FBXL13: variants seen among roughly 807,000 people sequenced by gnomAD.
FBXL13 encodes F-box and leucine-rich repeat protein 13.
In FBXL13, 67 loss-of-function variants were observed where a neutral mutation model predicts 83.6. That is an observed-to-expected ratio of 0.80 (90% CI 0.66 to 0.98). The LOEUF (loss-of-function observed/expected upper bound fraction) is 0.98. Among genes scored for constraint, FBXL13 ranks in the 50% least tolerant of loss-of-function variants. The pLI is 0.00. For synonymous variants in FBXL13, 272 were observed against 299.5 expected, an observed-to-expected ratio of 0.91 and a Z score of 0.95; for missense variants, 822 against 866.5, an observed-to-expected ratio of 0.95 and a Z score of 0.64.
intron 18 of FBXL13, among the ~76,000 whole-genome samples, chr7:102,825,045 A>G (rs1311062055): frequency 1.3e-5 from 2 of 152,182 alleles, no homozygotes; most frequent in Non-Finnish European, 2.9e-5. Flanking sequence ...TATCATTTAC[A>G]TATTTCTGGT....
intron 14 of FBXL13, among the ~76,000 whole-genome samples, 156 bp downstream of exon 15, chr7:102,883,149 T>C (rs990602782): frequency 2.0e-5 from 3 of 151,550 alleles, no homozygotes; most frequent in Non-Finnish European, 4.4e-5. Context: ...GGAGCCCCTC[T>C]TTCTTATAAC....
intron 10 of FBXL13, among the ~76,000 whole-genome samples, chr7:102,922,222 T>C (rs1342248784): frequency 2.7e-5 from 4 of 150,906 alleles, no homozygotes; most frequent in Non-Finnish European, 5.9e-5. Flanking sequence ...AATAAATAAA[T>C]AAACATTACT....
chr7:102,937,827 T>C (rs1045939829), intron 8 of FBXL13, among the ~76,000 whole-genome samples: 1 of 152,178 alleles, frequency 6.6e-6, no homozygotes, highest in African/African-American at 2.4e-5. Flanking sequence ...AATTGAAGTG[T>C]GACAACCTGA....
chr7:103,056,642 G>A (rs536613713), intron 1 of FBXL13, among the ~76,000 whole-genome samples: 1 of 152,064 alleles, frequency 6.6e-6, no homozygotes, highest in Non-Finnish European at 1.5e-5. Context: ...ATTTGTAGTA[G>A]AGACAGGGTT....
intron 11 of FBXL13, among the ~76,000 whole-genome samples, chr7:102,908,250 G>C (rs1477088439): frequency 2.0e-5 from 3 of 151,438 alleles, no homozygotes; most frequent in Non-Finnish European, 4.4e-5. Context: ...TCCAGAATTT[G>C]TTTCTTTTTA....
intron 2 of FBXL13, among the ~76,000 whole-genome samples, chr7:103,047,857 TCTAA>T (rs1796432179): frequency 6.6e-6 from 1 of 152,080 alleles, no homozygotes; most frequent in African/African-American, 2.4e-5. Flanking sequence ...ACCATGCCTA[TCTAA>T]CTTTTTGTAC....
intron 6 of FBXL13, chr7:102,976,180 C>T (rs746050360): frequency 6.5e-6 from 5 of 765,364 alleles, no homozygotes; most frequent in Non-Finnish European, 1.2e-5. Flanking sequence ...ACAGACACCC[C>T]AGCAACTACC....
At chr7:102,827,543 T>A (rs530763840) in intron 18 of FBXL13, among the ~76,000 whole-genome samples, 2 of 152,300 alleles carry the variant, frequency 1.3e-5, no homozygotes, top group South Asian at 2.1e-4. Context: ...TTTTTTTTTA[T>A]ACTTTAAGTT....
rs577911489 is a variant in FBXL13 at position 103,034,282 on chromosome 7, G to A, written c.1-4864C>T. On this transcript the variant is annotated intron_variant, in intron 2 of 19. Coordinates refer to ENST00000313221, the Ensembl canonical transcript of FBXL13. ...TGGGTGGTCGATGGGACTGCGCACC[G>A]TGGAGCGGGGGGCGGCGCTTGTAGG... 4.1e-3 allele frequency among the ~76,000 whole-genome samples: 627 copies of A among 152,336 alleles called. 4 individuals carry two copies. Among genetic ancestry groups the A allele is most frequent in the Admixed American group, 0.011 (169 of 15,306 alleles).
At chr7:103,059,247 C>G (rs557460075) in intron 1 of FBXL13, among the ~76,000 whole-genome samples, 26 of 152,286 alleles carry the variant, frequency 1.7e-4, no homozygotes, top group African/African-American at 6.0e-4. Flanking sequence ...CACTCTACTG[C>G]AGCCTGGGTG....
At chr7:102,829,638 T>C (rs1449897811) in intron 18 of FBXL13, among the ~76,000 whole-genome samples, 3 of 152,206 alleles carry the variant, frequency 2.0e-5, no homozygotes, top group Non-Finnish European at 4.4e-5. Flanking sequence ...CTCTGATTTG[T>C]AGCTATATTT....
chr7:102,819,941 C>G (rs1230493074), intron 19 of FBXL13, among the ~76,000 whole-genome samples: 1 of 152,230 alleles, frequency 6.6e-6, no homozygotes, highest in East Asian at 1.9e-4. Context: ...CTGCATGCAA[C>G]TAGGCCCCCT....
rs147832645 is a variant in FBXL13 at position 103,028,711 on chromosome 7, C to T, written c.106G>A (p.Val36Ile). Residue 36 changes from valine to isoleucine, a missense_variant, in exon 4 of 20, where the codon GTC (valine) becomes ATC (isoleucine). Val to Ile is a conservative substitution (Grantham distance 29, BLOSUM62 3). Transcript: ENST00000313221. ...GCTCTGTTCATTTTTTCAGCCAGGA[C>T]GACATTTTCATTTGTACGAGCTATG... 5.1e-4 allele frequency: 813 copies of T among 1,599,048 alleles called. No homozygotes were observed. Among genetic ancestry groups the T allele is most frequent in the South Asian group, 9.5e-4 (83 of 87,798 alleles).
At chr7:102,822,462 A>G (rs757718890) in intron 18 of FBXL13, 3 of 598,636 alleles carry the variant, frequency 5.0e-6, no homozygotes, top group Middle Eastern at 2.6e-4. Flanking sequence ...GCAGAGAGAG[A>G]GAGAGCTCTA....
exon 2 of FBXL13, chr7:103,055,678 C>T (rs1214373559): frequency 7.8e-7 from 1 of 1,284,754 alleles, no homozygotes; most frequent in Admixed American, 2.3e-5. Flanking sequence ...TTGATTATAA[C>T]CATGATCATT....
In FBXL13 at chr7:102,907,474, C is replaced by T. The variant is rs918384340; in HGVS notation, c.1008+5612G>A. ...CCTAATGCTATCTCTCCCCCATTCC[C>T]GCCCCCCCACAACAGGCCCCGGTGT... On this transcript the variant is annotated intron_variant, in intron 11 of 19. Coordinates refer to ENST00000313221, the Ensembl canonical transcript of FBXL13. Among the ~76,000 whole-genome samples the T allele has an allele frequency of 1.1e-4, 17 of 151,612 alleles. 1 individual carries two copies. The highest frequency in any genetic ancestry group is 5.9e-4 in the East Asian group (3 of 5,116).
At chr7:102,855,720 C>A (rs558676102) in intron 16 of FBXL13, among the ~76,000 whole-genome samples, 24 of 147,212 alleles carry the variant, frequency 1.6e-4, no homozygotes, top group Admixed American at 8.2e-4. Context: ...AGAAATGACA[C>A]ATAGATTTGT....
intron 8 of FBXL13, among the ~76,000 whole-genome samples, chr7:102,958,636 T>C (rs1376201368): frequency 6.6e-6 from 1 of 151,960 alleles, no homozygotes; most frequent in Non-Finnish European, 1.5e-5. Flanking sequence ...TTATTAACTT[T>C]TTATTACTAC....
At chr7:102,884,298 G>A (rs896022041) in exon 12 of FBXL13, 1 of 1,613,230 alleles carries the variant, frequency 6.2e-7, no homozygotes, top group Non-Finnish European at 8.5e-7. Flanking sequence ...TGTACCTGAA[G>A]CCTTGGACTG....
Sources: allele counts gnomAD v4.1 joint callset (sites outside exome capture counted in the v4.1 genomes callset), GRCh38; gene constraint gnomAD v4.1.1; transcripts MANE v1.5; gene names NCBI Gene and HGNC (gene_info 2026-07-23, HGNC 2026-07-21).